The following PCDH11X variants were observed in gnomAD, a reference collection of about 807,000 sequenced individuals.
PCDH11X encodes the protein protocadherin-11 X-linked.
A neutral mutation model predicts 53.3 loss-of-function variants in PCDH11X; 18 were observed. That is an observed-to-expected ratio of 0.34 (90% confidence interval 0.23 to 0.50). The LOEUF (loss-of-function observed/expected upper bound fraction) is 0.50, where lower values mean the gene tolerates loss of function less well. Ranked by LOEUF, PCDH11X falls within the 20% of genes least tolerant of loss-of-function variation. PCDH11X has a pLI of 0.98. For synonymous variants in PCDH11X, 279 were observed against 393.3 expected, an observed-to-expected ratio of 0.71 and a Z score of 3.44; for missense variants, 570 against 1,032.4, an observed-to-expected ratio of 0.55 and a Z score of 6.14.
intron 6 of PCDH11X, among the ~76,000 whole-genome samples, chrX:91,917,426 C>A (rs1271725071): frequency 1.0e-5 from 1 of 98,130 alleles, no homozygotes; most frequent in East Asian, 3.3e-4. Flanking sequence ...AAGATTTATC[C>A]AAAACACTCC....
chrX:92,533,184 T>G (rs2074590637), intron 10 of PCDH11X, among the ~76,000 whole-genome samples: 1 of 111,345 alleles, frequency 9.0e-6, no homozygotes, highest in South Asian at 3.8e-4. Flanking sequence ...AAAGGTAAAT[T>G]ATAGTAAAAC....
chrX:91,781,794 G>T (rs1376828238), intron 1 of PCDH11X, among the ~76,000 whole-genome samples: 2 of 112,121 alleles, frequency 1.8e-5, no homozygotes, highest in African/African-American at 6.5e-5. Context: ...GAGAGAGCGC[G>T]GACCGTGTGC....
At chrX:92,584,118 A>G (rs1479992854) in intron 10 of PCDH11X, among the ~76,000 whole-genome samples, 6 of 110,988 alleles carry the variant, frequency 5.4e-5, no homozygotes, top group Admixed American at 9.6e-5. Flanking sequence ...TATGGGATGC[A>G]ACTAACTAAA....
intron 10 of PCDH11X, among the ~76,000 whole-genome samples, chrX:92,563,334 G>C (rs1415933021): frequency 2.8e-5 from 3 of 108,520 alleles, no homozygotes; most frequent in African/African-American, 1.0e-4. Context: ...CTCTATCAGG[G>C]GGATGGCACC....
rs1371424477 is a variant in PCDH11X, at chrX:92,619,997, C to T, written c.*1057C>T. On this transcript the variant is annotated 3_prime_UTR_variant, in exon 11 of 11. Coordinates refer to ENST00000682573, the MANE Select transcript of PCDH11X (RefSeq NM_032968.5). Reference sequence around the variant, plus strand: ...AAATACATGTAACTGTAGATAAAACCATATACTAAATCTATAAGACTAAGG... The same window carrying T: ...AAATACATGTAACTGTAGATAAAACTATATACTAAATCTATAAGACTAAGG... 1.8e-5 allele frequency: 2 copies of T among 111,010 alleles called. No individual in the cohort carries two copies. The highest frequency in any genetic ancestry group is 5.7e-4 in the East Asian group (2 of 3,498). The allele number at this position is 111,010 out of a possible 1,213,427, so 9.1% of individuals were successfully genotyped here.
At chrX:92,279,691 T>C (rs1289354954) in intron 8 of PCDH11X, among the ~76,000 whole-genome samples, 6 of 112,634 alleles carry the variant, frequency 5.3e-5, no homozygotes, top group Non-Finnish European at 1.1e-4. Context: ...TAACTTTTAC[T>C]TGGCAATATA....
At chrX:91,981,579 C>T (rs949113950) in intron 6 of PCDH11X, among the ~76,000 whole-genome samples, 6 of 111,662 alleles carry the variant, frequency 5.4e-5, no homozygotes, top group African/African-American at 2.0e-4. Context: ...ACCTTTTATA[C>T]CACTCTATTA....
chrX:91,814,318 G>A (rs931860475), intron 4 of PCDH11X, among the ~76,000 whole-genome samples: 2 of 110,316 alleles, frequency 1.8e-5, no homozygotes, highest in Non-Finnish European at 3.8e-5. Flanking sequence ...AATGTCACTG[G>A]GATGTGTCTT....
At chrX:92,546,947 C>T (rs1304970120) in intron 10 of PCDH11X, among the ~76,000 whole-genome samples, 1 of 111,419 alleles carries the variant, frequency 9.0e-6, no homozygotes, top group African/African-American at 3.3e-5. Flanking sequence ...ATCTTTTGTT[C>T]TCCTCACTGT....
chrX:91,894,998 C>A (rs1470512087), intron 6 of PCDH11X, among the ~76,000 whole-genome samples: 2 of 110,933 alleles, frequency 1.8e-5, no homozygotes, highest in African/African-American at 6.6e-5. Context: ...TAGGGGCATG[C>A]ACCTTGACTC....
intron 8 of PCDH11X, among the ~76,000 whole-genome samples, chrX:92,376,869 A>T (rs1448505392): frequency 9.0e-6 from 1 of 111,623 alleles, no homozygotes; most frequent in African/African-American, 3.2e-5. Context: ...ACCAGTTCTA[A>T]CTCCTGACCC....
intron 9 of PCDH11X, among the ~76,000 whole-genome samples, chrX:92,389,211 T>A (rs2071073605): frequency 9.2e-6 from 1 of 108,844 alleles, no homozygotes; most frequent in South Asian, 4.0e-4. Flanking sequence ...CCCTATACCT[T>A]GTGTCACTAA....
At chrX:92,426,187 A>G (rs768939257) in intron 9 of PCDH11X, among the ~76,000 whole-genome samples, 5 of 97,026 alleles carry the variant, frequency 5.2e-5, no homozygotes, top group East Asian at 3.4e-4. Context: ...TTTTGTTACT[A>G]TTAAGCTATT....
At chrX:92,003,044 A>T (rs1054399332) in intron 6 of PCDH11X, among the ~76,000 whole-genome samples, 1 of 101,215 alleles carries the variant, frequency 9.9e-6, no homozygotes, top group Admixed American at 1.2e-4. Context: ...TATGGCTTTG[A>T]TTATGTTGAG....
chrX:92,433,477 T>C (rs2072297373), intron 9 of PCDH11X, among the ~76,000 whole-genome samples: 1 of 110,505 alleles, frequency 9.0e-6, no homozygotes, highest in Admixed American at 9.7e-5. Flanking sequence ...ATGAAGGAGA[T>C]GAAAGGCAGC....
chrX:92,041,708 A>G (rs2148031470), intron 6 of PCDH11X, among the ~76,000 whole-genome samples: 1 of 112,530 alleles, frequency 8.9e-6, no homozygotes, highest in Admixed American at 9.4e-5. Context: ...ACAGTGGCTT[A>G]TGCCTGTAAT....
intron 1 of PCDH11X, among the ~76,000 whole-genome samples, chrX:91,795,253 C>T (rs925064131): frequency 9.0e-6 from 1 of 111,627 alleles, no homozygotes; most frequent in African/African-American, 3.3e-5. Context: ...ACTGACTTAA[C>T]GTGTGTTTTC....
At chrX:92,225,990 A>G (rs935637933) in intron 7 of PCDH11X, among the ~76,000 whole-genome samples, 19 of 111,495 alleles carry the variant, frequency 1.7e-4, no homozygotes, top group African/African-American at 6.2e-4. Flanking sequence ...ACTATTCTTC[A>G]TCTTCAGGTA....
At chrX:92,187,621 C>T (rs184627347) in intron 6 of PCDH11X, among the ~76,000 whole-genome samples, 6 of 111,408 alleles carry the variant, frequency 5.4e-5, no homozygotes, top group African/African-American at 2.0e-4. Context: ...AAAATTATTA[C>T]GTTCTCCTGT....
Sources: gnomAD v4.1 joint callset for allele counts (sites outside exome capture counted in the v4.1 genomes callset) on GRCh38, gnomAD v4.1.1 for gene constraint, MANE v1.5 for transcripts, NCBI Gene and HGNC (gene_info 2026-07-23, HGNC 2026-07-21) for gene names.